The following IKZF1 variants were observed in gnomAD, a reference collection of about 807,000 sequenced individuals.
IKZF1 encodes the protein IKAROS family zinc finger 1.
A neutral mutation model predicts 51.7 loss-of-function variants in IKZF1; 10 were observed. The ratio of observed to expected loss-of-function variants is 0.19; its 90% confidence interval spans 0.12 to 0.33. The LOEUF is 0.33. Among genes scored for constraint, IKZF1 ranks in the 10% least tolerant of loss-of-function variants. The pLI is 1.00. For synonymous variants in IKZF1, 280 were observed against 282.3 expected, an observed-to-expected ratio of 0.99 and a Z score of 0.08; for missense variants, 484 against 707.5, an observed-to-expected ratio of 0.68 and a Z score of 3.58.
chr7:50,349,436 A>G (rs1242163829), intron 3 of IKZF1, among the ~76,000 whole-genome samples: 3 of 152,230 alleles, frequency 2.0e-5, no homozygotes, highest in African/African-American at 7.2e-5. Flanking sequence ...TAGGACGTGT[A>G]TTATGTACCT....
At chr7:50,334,526 A>G (rs1167366155) in intron 3 of IKZF1, among the ~76,000 whole-genome samples, 3 of 147,444 alleles carry the variant, frequency 2.0e-5, no homozygotes, top group African/African-American at 2.5e-5. Flanking sequence ...GTGTGTGTGT[A>G]TGTGTAGTGT....
chr7:50,397,901 C>T (rs1253556524), intron 7 of IKZF1, among the ~76,000 whole-genome samples: 1 of 152,072 alleles, frequency 6.6e-6, no homozygotes, highest in African/African-American at 2.4e-5. Context: ...CTTCTGACCA[C>T]CAGTAGATGA....
chr7:50,346,594 TGTGCCCAA>T lies in IKZF1; in HGVS notation c.160+18840_160+18847del, dbSNP rs1800426858. Among the ~76,000 whole-genome samples the T allele has an allele frequency of 2.6e-5, 4 of 152,338 alleles. No individual in the cohort carries two copies. The South Asian group carries it at 8.3e-4, about 32-fold the overall frequency. On this transcript the variant is annotated intron_variant, in intron 3 of 7. Transcript: ENST00000331340. ...CTCACTCTTCCCTGGCATTCTTCAATGTGCCCAAGTCCTTCCTAGAACATTGCACCCAA... is the reference window on the plus strand; with the variant it reads ...CTCACTCTTCCCTGGCATTCTTCAATGTCCTTCCTAGAACATTGCACCCAA...
intron 3 of IKZF1, among the ~76,000 whole-genome samples, chr7:50,355,082 G>C (rs892956833): frequency 1.3e-5 from 2 of 152,132 alleles, no homozygotes; most frequent in Non-Finnish European, 2.9e-5. Flanking sequence ...GAGATGACCA[G>C]CCTCATGCCT....
At chr7:50,360,295 G>A (rs1804818672) in intron 3 of IKZF1, among the ~76,000 whole-genome samples, 1 of 152,110 alleles carries the variant, frequency 6.6e-6, no homozygotes, top group Non-Finnish European at 1.5e-5. Flanking sequence ...GAATGGCCGT[G>A]TCTGTCTGCA....
intron 1 of IKZF1, chr7:50,318,555 C>T (rs1051996881): frequency 1.8e-5 from 4 of 222,546 alleles, no homozygotes; most frequent in African/African-American, 6.7e-5. Flanking sequence ...CTCAGATATG[C>T]AGCCCTGCCT....
rs1350818679 is a variant in IKZF1 at position 50,400,237 on chromosome 7, G to A, written c.1170G>A (p.Pro390=). 1 of 1,606,994 alleles carries A rather than the reference G, an allele frequency of 6.2e-7. No individual in the cohort carries two copies. The highest frequency in any genetic ancestry group is 8.5e-7 in the Non-Finnish European group (1 of 1,177,282). Residue 390 remains proline, a synonymous_variant, in exon 8 of 8, where the codon CCG becomes CCA. Coordinates refer to ENST00000331340, the MANE Select transcript of IKZF1 (RefSeq NM_006060.6). This position sits in a 1 kb window ranked among gnomAD's most constrained non-coding sequence, Gnocchi z 5.4. ...KLVPSEREAS[P]SNSCQDSTDT... is the part of the protein sequence containing the mutation. ...TGCCCTCGGAGCGCGAGGCGTCCCCGAGCAACAGCTGCCAAGACTCCACGG... is the reference window on the plus strand; with the variant it reads ...TGCCCTCGGAGCGCGAGGCGTCCCCAAGCAACAGCTGCCAAGACTCCACGG...
At position 50,400,330 on chromosome 7, in the gene IKZF1, C is replaced by A. The variant is rs756328674; in HGVS notation, c.1263C>A (p.His421Gln). Residue 421 changes from histidine to glutamine, a missense_variant, in exon 8 of 8, where the codon CAC (histidine) becomes CAA (glutamine). By Grantham distance (24) the His-to-Gln change is conservative. Coordinates refer to ENST00000331340, the MANE Select transcript of IKZF1 (RefSeq NM_006060.6). The surrounding 1 kb of genome is among the most constrained non-coding windows in gnomAD (Gnocchi z 5.4). ...ACCTGACCAACCACATCGCCCCGCACGCGCGCAACGGGCTGTCGCTCAAGG... is the reference window on the plus strand; with the variant it reads ...ACCTGACCAACCACATCGCCCCGCAAGCGCGCAACGGGCTGTCGCTCAAGG... ...LIYLTNHIAP[H>Q]ARNGLSLKEE... The A allele has an allele frequency of 6.2e-7, 1 of 1,612,922 alleles. No individual in the cohort carries two copies. The highest frequency in any genetic ancestry group is 1.3e-5 in the African/African-American group (1 of 75,040).
At chr7:50,342,664 C>G (rs1419425534) in intron 3 of IKZF1, among the ~76,000 whole-genome samples, 1 of 120,276 alleles carries the variant, frequency 8.3e-6, no homozygotes, top group South Asian at 2.6e-4. Context: ...TTTTTTTTTT[C>G]AAAGAGAGAA....
intron 3 of IKZF1, among the ~76,000 whole-genome samples, chr7:50,373,055 T>C (rs1461291960): frequency 6.6e-6 from 1 of 152,210 alleles, no homozygotes; most frequent in African/African-American, 2.4e-5. Context: ...CAGCCACCAT[T>C]TGTCCAATGA....
intron 3 of IKZF1, among the ~76,000 whole-genome samples, chr7:50,354,275 G>A (rs1802644824): frequency 6.6e-6 from 1 of 152,196 alleles, no homozygotes; most frequent in Non-Finnish European, 1.5e-5. Context: ...CAGTGCAAAG[G>A]TGTGTCATCC....
At chr7:50,370,691 G>C (rs1188899226) in intron 3 of IKZF1, among the ~76,000 whole-genome samples, 1 of 152,190 alleles carries the variant, frequency 6.6e-6, no homozygotes, top group Non-Finnish European at 1.5e-5. Flanking sequence ...TTGGGCTCTT[G>C]TCCATTATCT....
At chr7:50,367,879 T>C (rs1415676250) in intron 3 of IKZF1, 2 of 604,040 alleles carry the variant, frequency 3.3e-6, no homozygotes, top group Non-Finnish European at 5.9e-6. Flanking sequence ...AGCAGATGAG[T>C]AGCTGAACAG....
At chr7:50,317,472 G>A (rs139748704) in intron 1 of IKZF1, among the ~76,000 whole-genome samples, 117 of 152,220 alleles carry the variant, frequency 7.7e-4, no homozygotes, top group African/African-American at 2.6e-3. Flanking sequence ...GACTCTTGAC[G>A]TATTGCTTTT....
At chr7:50,314,737 C>A (rs990368435) in intron 1 of IKZF1, among the ~76,000 whole-genome samples, 6 of 152,204 alleles carry the variant, frequency 3.9e-5, no homozygotes, top group African/African-American at 1.4e-4. Flanking sequence ...AGGCCTGAGA[C>A]CCGCCTCCAC....
rs763387904 is a variant in IKZF1 at position 50,400,620 on chromosome 7, T to C, written c.1553T>C (p.Met518Thr). ...HITRGEHRFH[M>T]S ...ACGCGAGGGGAGCACCGCTTCCACA[T>C]GAGCTAAAGCCCTCCCGCGCCCCCA... The change falls in exon 8 of 8, where the codon ATG (methionine) becomes ACG (threonine). Residue 518 changes from methionine (M) to threonine (T), a missense_variant. This residue lies in a region of IKZF1 where 42 missense variants were observed against 84.4 expected (regional missense o/e 0.50). Coordinates refer to ENST00000331340, the MANE Select transcript of IKZF1 (RefSeq NM_006060.6). This position sits in a 1 kb window ranked among gnomAD's most constrained non-coding sequence, Gnocchi z 5.4. The C allele has an allele frequency of 6.2e-7, 1 of 1,608,824 alleles. No individual in the cohort carries two copies. Among genetic ancestry groups the C allele is most frequent in the South Asian group, 1.1e-5 (1 of 91,052 alleles).
At chr7:50,384,567 A>G (rs1161369409) in intron 5 of IKZF1, among the ~76,000 whole-genome samples, 1 of 152,244 alleles carries the variant, frequency 6.6e-6, no homozygotes, top group East Asian at 1.9e-4. Context: ...AGATAGGAAG[A>G]CAGTAGCATG....
At chr7:50,389,454 T>A (rs1269952832) in intron 6 of IKZF1, among the ~76,000 whole-genome samples, 1 of 152,194 alleles carries the variant, frequency 6.6e-6, no homozygotes. Context: ...GTGGTTAAGT[T>A]ACTTGGACTA....
At chr7:50,353,381 G>A (rs2153433518) in intron 3 of IKZF1, among the ~76,000 whole-genome samples, 1 of 152,304 alleles carries the variant, frequency 6.6e-6, no homozygotes, top group Admixed American at 6.5e-5. Context: ...CCTCCTGCAA[G>A]GCCTGAGGTC....
Sources: allele counts gnomAD v4.1 joint callset (sites outside exome capture counted in the v4.1 genomes callset), GRCh38; gene constraint gnomAD v4.1.1; regional missense constraint gnomAD v4.1.1; non-coding constraint Gnocchi (gnomAD v3.1); transcripts MANE v1.5; gene names NCBI Gene and HGNC (gene_info 2026-07-23, HGNC 2026-07-21).